Variants in C8orf34 observed in about 807,000 individuals in gnomAD.
The protein encoded by C8orf34 is uncharacterized protein C8orf34.
In C8orf34, 65 loss-of-function variants were observed where a neutral mutation model predicts 68.3. That is an observed-to-expected ratio of 0.95 (90% confidence interval 0.78 to 1.17). The LOEUF (loss-of-function observed/expected upper bound fraction) is 1.17. Among genes scored for constraint, C8orf34 ranks in the 50% most tolerant of loss-of-function variants. The pLI, the probability that C8orf34 is intolerant of heterozygous loss-of-function variation, is 0.00. For synonymous variants in C8orf34, 244 were observed against 241.2 expected (o/e 1.01, Z -0.11); for missense variants, 664 against 655.4 (o/e 1.01, Z -0.14).
chr8:68,671,280 C>T (rs1043901433), intron 8 of C8orf34, among the ~76,000 whole-genome samples: 2 of 152,096 alleles, frequency 1.3e-5, no homozygotes, highest in African/African-American at 4.8e-5. Context: ...TAAAGATGAA[C>T]TGAAAAATAT....
intron 10 of C8orf34, among the ~76,000 whole-genome samples, chr8:68,758,144 C>T (rs1245917737): frequency 6.6e-6 from 1 of 152,230 alleles, no homozygotes; most frequent in Non-Finnish European, 1.5e-5. Context: ...AGTTTCCACT[C>T]TGTTTGAGGA....
At chr8:68,617,962 T>C (rs1818275854) in intron 7 of C8orf34, among the ~76,000 whole-genome samples, 1 of 152,212 alleles carries the variant, frequency 6.6e-6, no homozygotes, top group South Asian at 2.1e-4. Flanking sequence ...AGTCCCATAT[T>C]TCTTGGAGGC....
chr8:68,451,783 A>G (rs879582482), intron 3 of C8orf34, among the ~76,000 whole-genome samples: 5 of 152,094 alleles, frequency 3.3e-5, no homozygotes, highest in Non-Finnish European at 7.4e-5. Context: ...ATTTACCAAA[A>G]TATTACACAG....
intron 8 of C8orf34, among the ~76,000 whole-genome samples, chr8:68,659,068 T>C (rs1819594042): frequency 6.6e-6 from 1 of 152,106 alleles, no homozygotes; most frequent in African/African-American, 2.4e-5. Flanking sequence ...CCTTCCTTCC[T>C]CAACCCCTTC....
intron 4 of C8orf34, among the ~76,000 whole-genome samples, 161 bp downstream of exon 4, chr8:68,468,981 A>C (rs753562263): frequency 6.6e-6 from 1 of 152,078 alleles, no homozygotes; most frequent in Non-Finnish European, 1.5e-5. Flanking sequence ...TTGATTTTGC[A>C]TATTATACAG....
chr8:68,521,942 T>G lies in C8orf34; in HGVS notation c.909T>G (p.Ser303Arg). 6.2e-7 allele frequency: 1 copy of G among 1,614,068 alleles called. No homozygotes were observed. Among genetic ancestry groups the G allele is most frequent in the Non-Finnish European group, 8.5e-7 (1 of 1,179,974 alleles). The change falls in exon 6 of 14, where the codon AGT becomes AGG. Residue 303 changes from serine to arginine, a missense_variant. Coordinates refer to ENST00000518698, the MANE Select transcript of C8orf34 (RefSeq NM_052958.4). ...IPRSKNDQWE[S>R]EDSGSSPAGS... ...GAAGCAAAAATGACCAATGGGAAAG[T>G]GAAGATAGTGGCTCTAGTCCTGCAG...
chr8:68,559,360 G>A (rs78820843), intron 7 of C8orf34, among the ~76,000 whole-genome samples: 436 of 152,266 alleles, frequency 2.9e-3, no homozygotes, highest in African/African-American at 9.4e-3. Flanking sequence ...CTTTATATTA[G>A]TATAGTTTTT....
At chr8:68,491,202 A>G (rs548311993) in intron 5 of C8orf34, among the ~76,000 whole-genome samples, 4 of 152,268 alleles carry the variant, frequency 2.6e-5, no homozygotes, top group African/African-American at 9.6e-5. Context: ...TCTATTTAAA[A>G]TAAAGAAATA....
intron 3 of C8orf34, among the ~76,000 whole-genome samples, chr8:68,456,613 A>T (rs185445599): frequency 6.6e-6 from 1 of 152,250 alleles, no homozygotes; most frequent in Non-Finnish European, 1.5e-5. Context: ...AATAGCACTT[A>T]TACAATTCAA....
At chr8:68,685,494 G>A (rs1033624787) in intron 8 of C8orf34, among the ~76,000 whole-genome samples, 7 of 151,970 alleles carry the variant, frequency 4.6e-5, no homozygotes, top group African/African-American at 1.2e-4. Context: ...TCAACCCAAC[G>A]TCCTTACATG....
At chr8:68,703,744 A>G (rs1374605475) in intron 8 of C8orf34, among the ~76,000 whole-genome samples, 1 of 152,036 alleles carries the variant, frequency 6.6e-6, no homozygotes, top group Non-Finnish European at 1.5e-5. Context: ...CCACCTGTCC[A>G]GGGTTGGCTC....
intron 10 of C8orf34, among the ~76,000 whole-genome samples, chr8:68,740,154 G>T (rs1177599384): frequency 2.6e-5 from 4 of 152,076 alleles, no homozygotes; most frequent in Admixed American, 2.6e-4. Flanking sequence ...AAAAATTCTG[G>T]AAGACAACCT....
At position 68,356,338 on chromosome 8, in the gene C8orf34, A is replaced by G. The variant is rs75941076; in HGVS notation, c.327+24999A>G. Among the ~76,000 whole-genome samples the G allele has an allele frequency of 6.8e-3, 1,042 of 152,212 alleles. 40 individuals are homozygous for G. The East Asian group carries it at 0.1, about 15-fold the overall frequency. On this transcript the variant is annotated intron_variant, in intron 1 of 13. Coordinates refer to ENST00000518698, the MANE Select transcript of C8orf34 (RefSeq NM_052958.4). ...GGTATTGGAGACTTCATTTACACCAATTGGTACATATTTATTGGGTACTAT... is the reference window on the plus strand; with the variant it reads ...GGTATTGGAGACTTCATTTACACCAGTTGGTACATATTTATTGGGTACTAT...
At chr8:68,713,175 C>T (rs538755412) in intron 9 of C8orf34, among the ~76,000 whole-genome samples, 6 of 151,974 alleles carry the variant, frequency 3.9e-5, no homozygotes, top group African/African-American at 1.2e-4. Flanking sequence ...GTAAAAGTAG[C>T]GCTAAGAGGA....
chr8:68,712,389 C>G (rs901234148), intron 9 of C8orf34, among the ~76,000 whole-genome samples: 2 of 152,050 alleles, frequency 1.3e-5, no homozygotes, highest in Admixed American at 6.5e-5. Context: ...TTAAAATATA[C>G]AAAATGGCAA....
rs564778408 is a variant in C8orf34, at chr8:68,336,872, T to C, written c.327+5533T>C. On this transcript the variant is annotated intron_variant, in intron 1 of 13. Transcript: ENST00000518698. ...TATCAAAGGACACAGAGGATGTGCC[T>C]ACCCCTAAGACAACTTGAGGGTCAA... Among the ~76,000 whole-genome samples, 4 of 152,266 alleles carry C rather than the reference T, an allele frequency of 2.6e-5. No individual in the cohort carries two copies. In the East Asian group the frequency reaches 7.7e-4, roughly 29 times the overall value.
chr8:68,353,356 GT>G (rs1463180318), intron 1 of C8orf34, among the ~76,000 whole-genome samples: 1 of 151,994 alleles, frequency 6.6e-6, no homozygotes, highest in Non-Finnish European at 1.5e-5. Context: ...AAGTGATAAT[GT>G]TTTGGAGGGA....
At chr8:68,342,456 T>C (rs1030979238) in intron 1 of C8orf34, among the ~76,000 whole-genome samples, 1 of 152,152 alleles carries the variant, frequency 6.6e-6, no homozygotes, top group Admixed American at 6.5e-5. Context: ...ATGGATAAGA[T>C]CTATTTATAG....
intron 8 of C8orf34, among the ~76,000 whole-genome samples, chr8:68,666,092 T>C (rs2130825825): frequency 6.6e-6 from 1 of 152,324 alleles, no homozygotes; most frequent in Admixed American, 6.5e-5. Context: ...TTATATGTAT[T>C]AACTCATTTA....
Sources: allele counts gnomAD v4.1 joint callset (sites outside exome capture counted in the v4.1 genomes callset), GRCh38; gene constraint gnomAD v4.1.1; transcripts MANE v1.5; gene names NCBI Gene and HGNC (gene_info 2026-07-23, HGNC 2026-07-21).